Variants in SLC25A38 observed in about 807,000 individuals in gnomAD.
SLC25A38 encodes mitochondrial glycine transporter.
In SLC25A38, 27 loss-of-function variants were observed where a neutral mutation model predicts 33.4. The observed-to-expected ratio is 0.81, with a 90% CI of 0.60 to 1.11. The LOEUF (loss-of-function observed/expected upper bound fraction) is 1.11, where lower values mean the gene tolerates loss of function less well. Ranked by LOEUF, SLC25A38 falls within the 50% of genes most tolerant of loss-of-function variation. The probability of loss-of-function intolerance (pLI) is 0.00; values close to 1 mark genes in which losing one functional copy is unlikely to be tolerated. For synonymous variants in SLC25A38, 123 were observed against 145.9 expected (o/e 0.84, Z 1.13); for missense variants, 344 against 388.8 (o/e 0.88, Z 0.97).
At position 39,391,874 on chromosome 3, in the gene SLC25A38, A is replaced by G. The variant is rs147908413; in HGVS notation, c.478A>G (p.Ser160Gly). 1.2e-6 allele frequency: 2 copies of G among 1,613,572 alleles called. No individual in the cohort carries two copies. The highest frequency in any genetic ancestry group is 1.3e-5 in the African/African-American group (1 of 74,894). The change falls in exon 5 of 7, where the codon AGT (serine) becomes GGT (glycine). Residue 160 changes from serine to glycine, a missense_variant. This residue lies in a region of SLC25A38 where 269 missense variants were observed against 271.8 expected (regional missense o/e 0.99). Transcript: ENST00000650617. ...GCAGAGTGGGAAATATGGCTATGAG[A>G]GTATCTACGCTGCCCTGAGGAGCAT... ...RYESGKYGYE[S>G]IYAALRSIYH... is the part of the protein sequence containing the mutation.
At chr3:39,387,163 C>A (rs56713196) in intron 1 of SLC25A38, among the ~76,000 whole-genome samples, 1 of 152,110 alleles carries the variant, frequency 6.6e-6, no homozygotes, top group Non-Finnish European at 1.5e-5. Context: ...TGGATTTTCA[C>A]TTTAGACTGG....
chr3:39,396,788 A>C lies in SLC25A38; in HGVS notation c.*268A>C, dbSNP rs1285446844. The C allele has an allele frequency of 2.0e-6, 1 of 492,792 alleles. No homozygotes were observed. The highest frequency in any genetic ancestry group is 3.2e-5 in the Admixed American group (1 of 31,172). The allele number at this position is 492,792 out of a possible 1,614,324, so 30.5% of individuals were successfully genotyped here. ...TGCATACTCTGAGAGGCTACTTGGA[A>C]AGGCATTTTCCCAGGAGAGCTCTGT... On this transcript the variant is annotated 3_prime_UTR_variant, in exon 7 of 7. Coordinates refer to ENST00000650617, the MANE Select transcript of SLC25A38 (RefSeq NM_017875.4).
At chr3:39,394,352 GA>G in intron 5 of SLC25A38, 57 bp from the exon 6 acceptor site, 1 of 1,607,248 alleles carries the variant, frequency 6.2e-7, no homozygotes, top group African/African-American at 1.3e-5. Context: ...AACTTGCACT[GA>G]CCTTTATCTG....
chr3:39,393,048 G>A (rs1161914916), intron 5 of SLC25A38, among the ~76,000 whole-genome samples: 2 of 152,208 alleles, frequency 1.3e-5, no homozygotes, highest in Admixed American at 6.5e-5. Flanking sequence ...ACTTTGGGAG[G>A]CCGAGGTGGG....
In SLC25A38 at chr3:39,389,760, T is replaced by G; in HGVS notation, c.191+144T>G. On this transcript the variant is annotated intron_variant, in intron 2 of 6. Coordinates refer to ENST00000650617, the MANE Select transcript of SLC25A38 (RefSeq NM_017875.4). The surrounding 1 kb of genome is among the most constrained non-coding windows in gnomAD (Gnocchi z 4.5). ...CCCAACTTTCATATGTTCTCTGAAT[T>G]GTTTTTATATTTGACATTTCTTTTT... 1 of 1,378,718 alleles carries G rather than the reference T, an allele frequency of 7.3e-7. No homozygotes were observed. The highest frequency in any genetic ancestry group is 1.0e-6 in the Non-Finnish European group (1 of 987,430). 85.4% of individuals were successfully genotyped at this position (1,378,718 alleles called of 1,614,324 possible). A position where few individuals can be genotyped will look rare whatever the true frequency, so the allele number is the denominator to read the frequency against.
Position 39,383,659 on chromosome 3 carries a change from C to T in SLC25A38, c.-66C>T. 1 of 1,595,064 alleles carries T rather than the reference C, an allele frequency of 6.3e-7. No individual in the cohort carries two copies. Among genetic ancestry groups the T allele is most frequent in the Non-Finnish European group, 8.6e-7 (1 of 1,163,568 alleles). The stretch of plus-strand genomic sequence containing the variant: ...ACCCCCTAGCCTTCTTCAAGGCCTC[C>T]AGGGCTGGGCCCAAGCGCCCGTCGA... On this transcript the variant is annotated 5_prime_UTR_variant, in exon 1 of 7. Coordinates refer to ENST00000650617, the MANE Select transcript of SLC25A38 (RefSeq NM_017875.4).
chr3:39,394,603 C>A, intron 6 of SLC25A38, 27 bp downstream of exon 6: 1 of 1,613,634 alleles, frequency 6.2e-7, no homozygotes, highest in Non-Finnish European at 8.5e-7. Context: ...AGTACTGGTT[C>A]TTGTGGTGTT....
At chr3:39,386,436 C>T (rs4676638) in intron 1 of SLC25A38, among the ~76,000 whole-genome samples, 139,086 of 152,184 alleles carry the variant, frequency 0.91, 64,634 homozygotes, top group Non-Finnish European at 1. Context: ...TAGCTGGGCA[C>T]GGTGACACAC....
intron 1 of SLC25A38, among the ~76,000 whole-genome samples, chr3:39,385,697 T>A (rs771359506): frequency 7.2e-5 from 11 of 152,182 alleles, no homozygotes; most frequent in Non-Finnish European, 1.6e-4. Flanking sequence ...ACACCTACTG[T>A]GCACCAGGCT....
At chr3:39,391,729 T>C (rs2041771410) in intron 4 of SLC25A38, 109 bp downstream of exon 4, 1 of 1,591,084 alleles carries the variant, frequency 6.3e-7, no homozygotes, top group Non-Finnish European at 8.6e-7. Context: ...TAGAGTCTGA[T>C]GTGGTCAGAC....
Position 39,390,471 on chromosome 3 carries a change from G to A in SLC25A38, c.240G>A (p.Thr80=), listed in dbSNP as rs770881001. 27 of 1,614,054 alleles carry A rather than the reference G, an allele frequency of 1.7e-5. No homozygotes were observed. In the Admixed American group the frequency reaches 2.8e-4, roughly 17 times the overall value. ...MLAVLLKVVR[T]ESLLGLWKGM... Reference sequence around the variant, plus strand: ...CTGTACTCTTGAAGGTGGTTCGCACGGAGAGTCTTTTGGGCCTTTGGAAAG... The same window carrying A: ...CTGTACTCTTGAAGGTGGTTCGCACAGAGAGTCTTTTGGGCCTTTGGAAAG... Residue 80 remains threonine, a synonymous_variant, in exon 3 of 7, where the codon ACG becomes ACA. Coordinates refer to ENST00000650617, the MANE Select transcript of SLC25A38 (RefSeq NM_017875.4).
Position 39,389,924 on chromosome 3 carries a change from A to G in SLC25A38, c.191+308A>G, listed in dbSNP as rs1215371985. On this transcript the variant is annotated intron_variant, in intron 2 of 6. Coordinates refer to ENST00000650617, the MANE Select transcript of SLC25A38 (RefSeq NM_017875.4). This position sits in a 1 kb window ranked among gnomAD's most constrained non-coding sequence, Gnocchi z 4.5. ...GGGATTTTCTGGAAATAACATCAGT[A>G]TTATCTGTTTTTGTTTTTGTTTTAT... Among the ~76,000 whole-genome samples the G allele has an allele frequency of 6.6e-6, 1 of 152,058 alleles. No individual in the cohort carries two copies. The highest frequency in any genetic ancestry group is 1.5e-5 in the Non-Finnish European group (1 of 68,012).
chr3:39,386,446 C>T (rs1439032145), intron 1 of SLC25A38, among the ~76,000 whole-genome samples: 2 of 152,166 alleles, frequency 1.3e-5, no homozygotes, highest in African/African-American at 4.8e-5. Flanking sequence ...CGGTGACACA[C>T]ACCTGTGGTC....
At position 39,391,899 on chromosome 3, in the gene SLC25A38, T is replaced by C; in HGVS notation, c.503T>C (p.Ile168Thr). The C allele has an allele frequency of 6.2e-7, 1 of 1,614,080 alleles. No homozygotes were observed. Residue 168 changes from isoleucine to threonine, a missense_variant, in exon 5 of 7, where the codon ATC (isoleucine) becomes ACC (threonine). By Grantham distance (89) the Ile-to-Thr change is moderately conservative (BLOSUM62 -1). Transcript: ENST00000650617. The stretch of plus-strand genomic sequence containing the variant: ...AGTATCTACGCTGCCCTGAGGAGCA[T>C]CTATCACAGTGAGGGGCACCGGGGC... ...YESIYAALRS[I>T]YHSEGHRGLF... is the part of the protein sequence containing the mutation.
At chr3:39,383,828 C>G (rs774006550) in intron 1 of SLC25A38, 35 bp downstream of exon 1, 18 of 1,611,522 alleles carry the variant, frequency 1.1e-5, no homozygotes, top group Non-Finnish European at 1.2e-5. Context: ...GGCAGGGGTC[C>G]GAACCGCGGG....
At chr3:39,392,048 G>A in intron 5 of SLC25A38, 27 bp downstream of exon 5, 2 of 1,613,908 alleles carry the variant, frequency 1.2e-6, no homozygotes, top group Non-Finnish European at 1.7e-6. Flanking sequence ...ATCTGGGGAA[G>A]AGCTATCCTT....
intron 1 of SLC25A38, among the ~76,000 whole-genome samples, chr3:39,385,059 C>T (rs1037933837): frequency 1.3e-5 from 2 of 152,168 alleles, no homozygotes; most frequent in African/African-American, 4.8e-5. Context: ...GCCTCGGCCT[C>T]CTAAAGTGCT....
Position 39,386,149 on chromosome 3 carries a change from A to G in SLC25A38, c.69+2356A>G, listed in dbSNP as rs935449814. ...TGGGATACTCTGTAGCTCCTAATAC[A>G]TTTGTCATTACTTGTATTTTTATTC... On this transcript the variant is annotated intron_variant, in intron 1 of 6. Coordinates refer to ENST00000650617, the MANE Select transcript of SLC25A38 (RefSeq NM_017875.4). Among the ~76,000 whole-genome samples the G allele has an allele frequency of 2.6e-5, 4 of 152,210 alleles. No homozygotes were observed. The East Asian group carries it at 5.8e-4, about 22-fold the overall frequency.
At chr3:39,391,819 C>T (rs756887434) in intron 4 of SLC25A38, 34 bp from the exon 5 acceptor site, 2 of 1,612,668 alleles carry the variant, frequency 1.2e-6, no homozygotes, top group Non-Finnish European at 1.7e-6. Context: ...GCAGCGCCTC[C>T]ATGCGAGTCA....
Sources: allele counts gnomAD v4.1 joint callset (sites outside exome capture counted in the v4.1 genomes callset), GRCh38; gene constraint gnomAD v4.1.1; regional missense constraint gnomAD v4.1.1; non-coding constraint Gnocchi (gnomAD v3.1); transcripts MANE v1.5; gene names NCBI Gene and HGNC (gene_info 2026-07-23, HGNC 2026-07-21).